Variants in DOCK8 observed in about 807,000 individuals in gnomAD.
DOCK8 encodes the protein dedicator of cytokinesis 8.
Under a neutral mutation model 245.6 loss-of-function variants are expected in DOCK8, and 141 were observed. The ratio of observed to expected loss-of-function variants is 0.57; its 90% confidence interval spans 0.50 to 0.66. The LOEUF (loss-of-function observed/expected upper bound fraction) is 0.66. Ranked by LOEUF, DOCK8 falls within the 30% of genes least tolerant of loss-of-function variation. The probability of loss-of-function intolerance (pLI) is 0.00; values close to 1 mark genes in which losing one functional copy is unlikely to be tolerated. For missense variants in DOCK8, 2,965 were observed against 2,603.4 expected, an observed-to-expected ratio of 1.14 and a Z score of -3.02; for synonymous variants, 1,168 against 970.2, an observed-to-expected ratio of 1.20 and a Z score of -3.79.
chr9:397,453 C>G (rs934696762), intron 25 of DOCK8, among the ~76,000 whole-genome samples: 12 of 151,222 alleles, frequency 7.9e-5, no homozygotes, highest in African/African-American at 2.9e-4. Flanking sequence ...CTTTGGGAGG[C>G]AAGGGTGGTC....
At chr9:441,501 C>T in intron 41 of DOCK8, 84 bp downstream of exon 41, 2 of 1,593,520 alleles carry the variant, frequency 1.3e-6, no homozygotes, top group Non-Finnish European at 8.6e-7. Context: ...CCTTCCTCTC[C>T]AGGGAGTGAT....
chr9:280,729 T>C (rs2048542969), intron 2 of DOCK8: 2 of 152,136 alleles, frequency 1.3e-5, no homozygotes, highest in Non-Finnish European at 2.9e-5. Flanking sequence ...TGACTGATGA[T>C]GTAACTGAAA....
intron 4 of DOCK8, among the ~76,000 whole-genome samples, chr9:293,401 T>C (rs1382602999): frequency 6.6e-6 from 1 of 152,238 alleles, no homozygotes; most frequent in Non-Finnish European, 1.5e-5. Flanking sequence ...TTTTAGCTTA[T>C]TGTTTTCTGT....
intron 42 of DOCK8, among the ~76,000 whole-genome samples, chr9:442,238 CA>C (rs1300396857): frequency 6.6e-6 from 1 of 152,218 alleles, no homozygotes; most frequent in Non-Finnish European, 1.5e-5. Flanking sequence ...ATGCTTTTCA[CA>C]GTTTGGAATT....
At chr9:245,859 A>T (rs1179970591) in intron 1 of DOCK8, among the ~76,000 whole-genome samples, 1 of 152,208 alleles carries the variant, frequency 6.6e-6, no homozygotes, top group Admixed American at 6.5e-5. Flanking sequence ...AACTTGCTGG[A>T]CAAAATGATA....
Position 338,713 on chromosome 9 carries a change from C to T in DOCK8, c.1423-293C>T, listed in dbSNP as rs73639057. Among the ~76,000 whole-genome samples, 37 of 151,968 alleles carry T rather than the reference C, an allele frequency of 2.4e-4. No homozygotes were observed. The East Asian group carries it at 4.6e-3, about 19-fold the overall frequency. ...ACTGGCATCAGAGGGTGAGAGTTATCGGGGGGAAGCTTTTGGCCTGGTTTT... is the reference window on the plus strand; with the variant it reads ...ACTGGCATCAGAGGGTGAGAGTTATTGGGGGGAAGCTTTTGGCCTGGTTTT... On this transcript the variant is annotated intron_variant, in intron 12 of 47. Coordinates refer to ENST00000432829, the MANE Select transcript of DOCK8 (RefSeq NM_203447.4).
intron 1 of DOCK8, among the ~76,000 whole-genome samples, chr9:240,657 T>C (rs2131410952): frequency 6.6e-6 from 1 of 152,272 alleles, no homozygotes; most frequent in African/African-American, 2.4e-5. Context: ...TATATTCCCT[T>C]ATTATTGAAT....
intron 14 of DOCK8, among the ~76,000 whole-genome samples, chr9:364,247 A>G (rs1453189603): frequency 6.6e-6 from 1 of 152,216 alleles, no homozygotes; most frequent in Non-Finnish European, 1.5e-5. Context: ...AATCATGTTT[A>G]TTAAGAATAG....
At chr9:459,763 A>G (rs2057747357) in intron 46 of DOCK8, 1 of 152,372 alleles carries the variant, frequency 6.6e-6, no homozygotes, top group Non-Finnish European at 1.5e-5. Flanking sequence ...AGAATACTCA[A>G]ACAGCAGGGG....
At position 286,547 on chromosome 9, in the gene DOCK8, G is replaced by A; in HGVS notation, c.243G>A (p.Gln81=). The A allele has an allele frequency of 6.2e-7, 1 of 1,614,010 alleles. No homozygotes were observed. The highest frequency in any genetic ancestry group is 8.5e-7 in the Non-Finnish European group (1 of 1,179,930). Reference sequence around the variant, plus strand: ...ACAGCCTGGATGTGCAGCTTGCCCAGGAGCTCGGGGACTTCACTGATGACG... The same window carrying A: ...ACAGCCTGGATGTGCAGCTTGCCCAAGAGCTCGGGGACTTCACTGATGACG... ...HLNSLDVQLA[Q]ELGDFTDDDL... Residue 81 remains glutamine (Q), a synonymous_variant, in exon 3 of 48, where the codon CAG becomes CAA. Transcript: ENST00000432829.
intron 1 of DOCK8, among the ~76,000 whole-genome samples, chr9:269,577 A>G (rs2048111190): frequency 2.2e-5 from 3 of 136,746 alleles, no homozygotes; most frequent in Admixed American, 2.1e-4. Context: ...TTTTTTTGCA[A>G]CAGAGTCTTG....
At chr9:365,493 A>G (rs953838745) in intron 14 of DOCK8, 11 of 425,158 alleles carry the variant, frequency 2.6e-5, no homozygotes, top group African/African-American at 1.7e-4. Context: ...TGCCTTTAGA[A>G]GCATATATCA....
intron 6 of DOCK8, among the ~76,000 whole-genome samples, chr9:314,921 C>G (rs1177846345): frequency 6.6e-6 from 1 of 152,128 alleles, no homozygotes; most frequent in African/African-American, 2.4e-5. Flanking sequence ...ACTTAACCAC[C>G]AAGCTTCTAT....
intron 1 of DOCK8, among the ~76,000 whole-genome samples, chr9:224,708 A>T (rs1237676098): frequency 6.6e-6 from 1 of 152,108 alleles, no homozygotes; most frequent in Non-Finnish European, 1.5e-5. Flanking sequence ...TGTCCTCAGG[A>T]AATTACACTT....
intron 36 of DOCK8, among the ~76,000 whole-genome samples, chr9:431,619 C>A (rs1457859086): frequency 6.6e-6 from 1 of 152,148 alleles, no homozygotes; most frequent in Admixed American, 6.5e-5. Context: ...AGCAATTCTC[C>A]TGCCTCAGCC....
In DOCK8 at chr9:266,629, T is replaced by C. The variant is rs114488420; in HGVS notation, c.54-4998T>C. 8.9e-3 allele frequency among the ~76,000 whole-genome samples: 1,349 copies of C among 152,266 alleles called. 19 individuals are homozygous for C. The highest frequency in any genetic ancestry group is 0.03 in the African/African-American group (1,240 of 41,544). On this transcript the variant is annotated intron_variant, in intron 1 of 47. Transcript: ENST00000432829. ...GCTCTACGCTATGATTAGTTGTGGT[T>C]TGTAGTCCCAATTGTATATCATAAT...
chr9:215,245 A>G (rs1406344081), intron 1 of DOCK8: 1 of 1,587,906 alleles, frequency 6.3e-7, no homozygotes, highest in Non-Finnish European at 8.5e-7. Flanking sequence ...CTCCCCAAGA[A>G]TCTCGGTGCT....
At chr9:309,979 T>G (rs1261103554) in intron 5 of DOCK8, among the ~76,000 whole-genome samples, 1 of 152,086 alleles carries the variant, frequency 6.6e-6, no homozygotes, top group Non-Finnish European at 1.5e-5. Context: ...GCAGAAGAAG[T>G]CATCGTGGCC....
In DOCK8 at chr9:374,125, C is replaced by G. The variant is rs188124518; in HGVS notation, c.2109+1839C>G. On this transcript the variant is annotated intron_variant, in intron 18 of 47. Transcript: ENST00000432829. ...ATTAAATGAGATAATGCTTGCCAAACAACAAACTCAATTCCTAAGTAAACA... is the reference window on the plus strand; with the variant it reads ...ATTAAATGAGATAATGCTTGCCAAAGAACAAACTCAATTCCTAAGTAAACA... Among the ~76,000 whole-genome samples the G allele has an allele frequency of 3.9e-5, 6 of 152,336 alleles. No individual in the cohort carries two copies. In the East Asian group the frequency reaches 1.2e-3, roughly 29 times the overall value.
Sources: allele counts gnomAD v4.1 joint callset (sites outside exome capture counted in the v4.1 genomes callset), GRCh38; gene constraint gnomAD v4.1.1; transcripts MANE v1.5; gene names NCBI Gene and HGNC (gene_info 2026-07-23, HGNC 2026-07-21).